CWC22: variants seen among roughly 807,000 people sequenced by gnomAD.
CWC22 encodes pre-mRNA-splicing factor CWC22 homolog.
Under a neutral mutation model 117.2 loss-of-function variants are expected in CWC22, and 53 were observed. The observed-to-expected ratio is 0.45, with a 90% CI of 0.36 to 0.57. The LOEUF (loss-of-function observed/expected upper bound fraction) is 0.57. CWC22 is among the 20% of genes least tolerant of loss of function. The pLI, the probability that CWC22 is intolerant of heterozygous loss-of-function variation, is 0.00. For missense variants in CWC22, 980 were observed against 1,068.8 expected, an observed-to-expected ratio of 0.92 and a Z score of 1.16; for synonymous variants, 360 against 355.6, an observed-to-expected ratio of 1.01 and a Z score of -0.14.
rs762223514 is a variant in CWC22, at chr2:179,970,565, T to TA, written c.1148-3dup. On this transcript the variant is annotated splice_region_variant and splice_polypyrimidine_tract_variant and intron_variant, in intron 10 of 19. Transcript: ENST00000410053. ...AATTAGGATCCATCTTGAAAACATCTAAAAAAAATGTAAAAGTTAATGTTT... is the reference window on the plus strand; with the variant it reads ...AATTAGGATCCATCTTGAAAACATCTAAAAAAAAATGTAAAAGTTAATGTTT... 3.0e-5 allele frequency: 46 copies of TA among 1,548,908 alleles called. No individual in the cohort carries two copies. Among genetic ancestry groups the TA allele is most frequent in the South Asian group, 1.2e-4 (10 of 83,732 alleles).
rs749326451 is a variant in CWC22, at chr2:179,981,921, C to A, written c.283G>T (p.Gly95Trp). ...ACTGATGTTTCTGGGTTTCTCCTCC[C>A]AGGAGATGGGGATTTCCGAGACCTT... ...RKRSRKSPSP[G>W]RRNPETSVTQ... Residue 95 changes from glycine (G) to tryptophan (W), a missense_variant, in exon 5 of 20, where the codon GGG becomes TGG. This residue lies in a region of CWC22 where 559 missense variants were observed against 602.3 expected (regional missense o/e 0.93). Transcript: ENST00000410053. 1.1e-5 allele frequency: 17 copies of A among 1,589,400 alleles called. No individual in the cohort carries two copies. The highest frequency in any genetic ancestry group is 1.3e-5 in the Non-Finnish European group (15 of 1,166,638).
chr2:179,987,608 A>T (rs1331244535), intron 3 of CWC22, among the ~76,000 whole-genome samples: 3 of 152,198 alleles, frequency 2.0e-5, no homozygotes, highest in Non-Finnish European at 4.4e-5. Context: ...TTTAGAGATT[A>T]TTTAGCAGAG....
At chr2:179,972,224 C>G (rs1434870960) in intron 8 of CWC22, among the ~76,000 whole-genome samples, 1 of 151,994 alleles carries the variant, frequency 6.6e-6, no homozygotes. Context: ...TAAGACTAAG[C>G]ATGACTTTAA....
At chr2:179,958,330 C>CAAAA (rs11453659) in intron 14 of CWC22, among the ~76,000 whole-genome samples, 4 of 92,648 alleles carry the variant, frequency 4.3e-5, no homozygotes, top group Non-Finnish European at 5.8e-5. Context: ...GACTCTGGCT[C>CAAAA]AAAAAAAAAA....
At chr2:179,967,505 T>C (rs1686922192) in intron 11 of CWC22, among the ~76,000 whole-genome samples, 1 of 152,184 alleles carries the variant, frequency 6.6e-6, no homozygotes, top group Non-Finnish European at 1.5e-5. Flanking sequence ...TGTGCTGACA[T>C]CTGTGATGAT....
rs1203353759 is a variant in CWC22 at position 179,946,406 on chromosome 2, G to A, written c.2141-691C>T. Among the ~76,000 whole-genome samples the A allele has an allele frequency of 5.0e-5, 6 of 119,712 alleles. No individual in the cohort carries two copies. The East Asian group carries it at 1.2e-3, about 23-fold the overall frequency. 78.5% of individuals were successfully genotyped at this position (119,712 alleles called of 152,430 possible). A position where few individuals can be genotyped will look rare whatever the true frequency, so the allele number is the denominator to read the frequency against. On this transcript the variant is annotated intron_variant, in intron 19 of 19. Coordinates refer to ENST00000410053, the MANE Select transcript of CWC22 (RefSeq NM_020943.3). Reference sequence around the variant, plus strand: ...GCAGAGGTTGCAGTACGCCAAGAATGCACCGCTACACCCCAGCCTGGGTAA... The same window carrying A: ...GCAGAGGTTGCAGTACGCCAAGAATACACCGCTACACCCCAGCCTGGGTAA...
intron 6 of CWC22, 107 bp downstream of exon 6, chr2:179,978,083 C>T (rs1687194612): frequency 8.3e-7 from 1 of 1,201,274 alleles, no homozygotes; most frequent in Middle Eastern, 3.1e-4. Flanking sequence ...TCTCAATGAC[C>T]TTTGAAATGA....
intron 1 of CWC22, among the ~76,000 whole-genome samples, chr2:180,002,901 A>C (rs181439146): frequency 1.5e-4 from 23 of 152,348 alleles, no homozygotes; most frequent in African/African-American, 5.3e-4. Context: ...AAGCTAAACT[A>C]TGAAAGGCTC....
At chr2:179,976,904 CAACACTTTGGG>C (rs1687168235) in intron 6 of CWC22, among the ~76,000 whole-genome samples, 1 of 152,070 alleles carries the variant, frequency 6.6e-6, no homozygotes, top group South Asian at 2.1e-4. Context: ...CCTGTCATAC[CAACACTTTGGG>C]AAGCCAAGTC....
At position 179,950,503 on chromosome 2, in the gene CWC22, C is replaced by T; in HGVS notation, c.2140+9G>A. Reference sequence around the variant, plus strand: ...AAGAGCAAGCCAAATTACACATAAGCTTCAATACCTGAGGCAGAGCTATGA... The same window carrying T: ...AAGAGCAAGCCAAATTACACATAAGTTTCAATACCTGAGGCAGAGCTATGA... On this transcript the variant is annotated intron_variant, in intron 19 of 19. Coordinates refer to ENST00000410053, the MANE Select transcript of CWC22 (RefSeq NM_020943.3). 4.5e-6 allele frequency: 7 copies of T among 1,572,792 alleles called. No homozygotes were observed. Among genetic ancestry groups the T allele is most frequent in the Non-Finnish European group, 6.1e-6 (7 of 1,147,946 alleles).
intron 1 of CWC22, among the ~76,000 whole-genome samples, chr2:179,996,883 C>CA (rs35987192): frequency 0.66 from 99,040 of 150,980 alleles, 32,881 homozygotes; most frequent in Middle Eastern, 0.72. Flanking sequence ...TAAAGGAAGA[C>CA]AAAATGAAGA....
chr2:179,976,086 G>C (rs1351526307), intron 6 of CWC22, among the ~76,000 whole-genome samples: 1 of 152,182 alleles, frequency 6.6e-6, no homozygotes, highest in Non-Finnish European at 1.5e-5. Flanking sequence ...AAAGAAACCA[G>C]AGATAAATCC....
intron 11 of CWC22, among the ~76,000 whole-genome samples, chr2:179,966,407 C>T (rs561912183): frequency 6.6e-6 from 1 of 152,048 alleles, no homozygotes; most frequent in East Asian, 1.9e-4. Flanking sequence ...TAAGAATGTA[C>T]TTGGAAAGAC....
intron 6 of CWC22, among the ~76,000 whole-genome samples, 159 bp downstream of exon 6, chr2:179,978,031 A>T (rs1197915540): frequency 2.0e-5 from 3 of 152,200 alleles, no homozygotes; most frequent in African/African-American, 4.8e-5. Flanking sequence ...GTTATTTCTT[A>T]GCAGTCTATA....
chr2:179,989,049 G>A (rs1687493659), intron 2 of CWC22, among the ~76,000 whole-genome samples: 1 of 151,714 alleles, frequency 6.6e-6, no homozygotes. Context: ...ACCCCAATGT[G>A]TAGTCTTTTA....
Position 179,945,387 on chromosome 2 carries a change from T to A in CWC22, c.2469A>T (p.Arg823Ser), listed in dbSNP as rs1686265383. 2.5e-6 allele frequency: 4 copies of A among 1,612,980 alleles called. No homozygotes were observed. Among genetic ancestry groups the A allele is most frequent in the African/African-American group, 2.7e-5 (2 of 74,988 alleles). Residue 823 changes from arginine to serine, a missense_variant, in exon 20 of 20, where the codon AGA becomes AGT. Arg to Ser is a moderately radical substitution (Grantham distance 110). Transcript: ENST00000410053. ...ENKHGDPKKK[R>S]GERRNSFSEN... ...CAGAAAAAGAATTTCTTCTCTCTCC[T>A]CTCTTCTTTTTGGGATCACCATGCT...
chr2:179,997,754 C>A (rs1430208223), intron 1 of CWC22, among the ~76,000 whole-genome samples: 1 of 152,170 alleles, frequency 6.6e-6, no homozygotes, highest in Non-Finnish European at 1.5e-5. Flanking sequence ...TTTCTAGGCA[C>A]TGGATAGGCA....
intron 11 of CWC22, among the ~76,000 whole-genome samples, chr2:179,970,300 G>A (rs1031602237): frequency 1.8e-4 from 27 of 151,946 alleles, no homozygotes; most frequent in African/African-American, 6.3e-4. Flanking sequence ...GAACAATGGG[G>A]TAAGTAATTC....
Position 179,981,929 on chromosome 2 carries a change from G to A in CWC22, c.275C>T (p.Pro92Leu). The part of the protein sequence containing the change: ...DTDRKRSRKS[P>L]SPGRRNPETS... ...TTCTGGGTTTCTCCTCCCAGGAGAT[G>A]GGGATTTCCGAGACCTTTTCCGATC... is the stretch of plus-strand genomic sequence containing the variant. The change falls in exon 5 of 20, where the codon CCA (proline) becomes CTA (leucine). Residue 92 changes from proline (P) to leucine (L), a missense_variant. Physicochemically the swap from Pro to Leu is moderately conservative, Grantham distance 98. This residue lies in a region of CWC22 where 559 missense variants were observed against 602.3 expected (regional missense o/e 0.93). Transcript: ENST00000410053. 1.3e-6 allele frequency: 2 copies of A among 1,580,200 alleles called. No homozygotes were observed. Among genetic ancestry groups the A allele is most frequent in the Non-Finnish European group, 8.6e-7 (1 of 1,161,500 alleles).
Sources: gnomAD v4.1 joint callset for allele counts (sites outside exome capture counted in the v4.1 genomes callset) on GRCh38, gnomAD v4.1.1 for gene constraint, gnomAD v4.1.1 regional missense constraint, MANE v1.5 for transcripts, NCBI Gene and HGNC (gene_info 2026-07-23, HGNC 2026-07-21) for gene names.